The following CA7 variants were observed in gnomAD, a reference collection of about 807,000 sequenced individuals.
The protein encoded by CA7 is carbonic anhydrase 7.
Under a neutral mutation model 31.4 loss-of-function variants are expected in CA7, and 13 were observed. That is an observed-to-expected ratio of 0.41 (90% CI 0.27 to 0.66). The LOEUF (loss-of-function observed/expected upper bound fraction) is 0.66. CA7 is among the 30% of genes least tolerant of loss of function. CA7 has a pLI of 0.28. For missense variants in CA7, 215 were observed against 351.0 expected, an observed-to-expected ratio of 0.61 and a Z score of 3.10; for synonymous variants, 128 against 133.2, an observed-to-expected ratio of 0.96 and a Z score of 0.27.
chr16:66,850,720 G>C, intron 3 of CA7, 61 bp downstream of exon 3: 1 of 1,251,222 alleles, frequency 8.0e-7, no homozygotes, highest in Non-Finnish European at 1.2e-6. Context: ...GGCCTGGGTA[G>C]TCAGGGGCTT....
Position 66,852,237 on chromosome 16 carries a change from C to A in CA7, c.517-475C>A, listed in dbSNP as rs186026826. Among the ~76,000 whole-genome samples, 4 of 152,118 alleles carry A rather than the reference C, an allele frequency of 2.6e-5. No homozygotes were observed. In the South Asian group the frequency reaches 6.2e-4, roughly 24 times the overall value. ...CAGCACTTTGGGAGGCCGAGGCAGG[C>A]GGATCACTTGAGGTCAGGAGTTCAA... On this transcript the variant is annotated intron_variant, in intron 5 of 6. Coordinates refer to ENST00000338437, the MANE Select transcript of CA7 (RefSeq NM_005182.3).
chr16:66,845,002 T>C (rs1156623351), intron 1 of CA7: 21 of 988,580 alleles, frequency 2.1e-5, no homozygotes, highest in Non-Finnish European at 2.4e-5. Context: ...CCGGAGAGAA[T>C]TTCCCCGCAG....
At chr16:66,852,957 G>A (rs958106602) in intron 6 of CA7, 90 bp downstream of exon 6, 14 of 1,184,336 alleles carry the variant, frequency 1.2e-5, no homozygotes, top group Middle Eastern at 2.2e-4. Context: ...CCCACAGCCC[G>A]TGATCCCACC....
chr16:66,845,647 C>T (rs1288141776), intron 1 of CA7, among the ~76,000 whole-genome samples: 2 of 152,136 alleles, frequency 1.3e-5, no homozygotes, highest in Non-Finnish European at 2.9e-5. Flanking sequence ...GAGAGACAGG[C>T]AGACATGGGG....
chr16:66,846,831 G>C (rs937755382), intron 1 of CA7, among the ~76,000 whole-genome samples, 199 bp from the exon 2 acceptor site: 1 of 152,190 alleles, frequency 6.6e-6, no homozygotes, highest in African/African-American at 2.4e-5. Context: ...GAGTTTTAGT[G>C]AGACCATTTC....
chr16:66,844,514 C>T lies in CA7; in HGVS notation c.27C>T (p.Tyr9=), dbSNP rs1293496191. Residue 9 remains tyrosine (Y), a synonymous_variant, in exon 1 of 7, where the codon TAC becomes TAT. Coordinates refer to ENST00000338437, the MANE Select transcript of CA7 (RefSeq NM_005182.3). MTGHHGWG[Y]GQDDGPSHWH... is the part of the protein sequence containing the mutation. ...TGACCGGCCACCACGGCTGGGGCTA[C>T]GGCCAGGACGACGGTAGGCACAGAC... The T allele has an allele frequency of 1.9e-6, 3 of 1,543,434 alleles. No homozygotes were observed. Among genetic ancestry groups the T allele is most frequent in the Admixed American group, 4.0e-5 (2 of 50,568 alleles).
chr16:66,851,421 C>T (rs1412417762), intron 3 of CA7, 42 bp from the exon 4 acceptor site: 1 of 1,530,692 alleles, frequency 6.5e-7, no homozygotes, highest in Non-Finnish European at 9.1e-7. Flanking sequence ...GTTCCCATTG[C>T]CTCTGGGAGG....
In CA7 at chr16:66,852,717, C is replaced by T; in HGVS notation, c.522C>T (p.Thr174=). The change falls in exon 6 of 7, where the codon ACC becomes ACT. Residue 174 remains threonine (T), a synonymous_variant. Coordinates refer to ENST00000338437, the MANE Select transcript of CA7 (RefSeq NM_005182.3). Reference sequence around the variant, plus strand: ...GTTCCTCCACCTTGTTCCAGGGCACCAAAGCCCAGTTCAGCTGCTTCAACC... The same window carrying T: ...GTTCCTCCACCTTGTTCCAGGGCACTAAAGCCCAGTTCAGCTGCTTCAACC... The part of the protein sequence containing the change: ...DALYMVRFKG[T]KAQFSCFNPK... 1.2e-6 allele frequency: 2 copies of T among 1,612,168 alleles called. No homozygotes were observed. Among genetic ancestry groups the T allele is most frequent in the Non-Finnish European group, 1.7e-6 (2 of 1,178,842 alleles).
chr16:66,853,883 ATAAT>A lies in CA7; in HGVS notation c.*388_*391del, dbSNP rs1961118621. On this transcript the variant is annotated 3_prime_UTR_variant, in exon 7 of 7. Coordinates refer to ENST00000338437, the MANE Select transcript of CA7 (RefSeq NM_005182.3). The surrounding 1 kb of genome is among the most constrained non-coding windows in gnomAD (Gnocchi z 4.5). ...TGACACTACCAGAGAGACTCAAGCA[ATAAT>A]TAGAGGTGGGCAGAGCTGCCCTCTC... 2 of 193,258 alleles carry A rather than the reference ATAAT, an allele frequency of 1.0e-5. No homozygotes were observed. Among genetic ancestry groups the A allele is most frequent in the Admixed American group, 5.4e-5 (1 of 18,656 alleles). The allele number at this position is 193,258 out of a possible 1,614,324, so 12.0% of individuals were successfully genotyped here.
In CA7 at chr16:66,846,174, GGTGTGT is replaced by G. The variant is rs4000639; in HGVS notation, c.41-832_41-827del. Among the ~76,000 whole-genome samples the G allele has an allele frequency of 4.0e-3, 589 of 147,454 alleles. 1 individual carries two copies. Among genetic ancestry groups the G allele is most frequent in the African/African-American group, 0.013 (514 of 40,332 alleles). On this transcript the variant is annotated intron_variant, in intron 1 of 6. Coordinates refer to ENST00000338437, the MANE Select transcript of CA7 (RefSeq NM_005182.3). The stretch of plus-strand genomic sequence containing the variant: ...GTGGGCGCCTGTGGGTGTGTATGCA[GGTGTGT>G]GTGTGTGTGTGTGTGTGTGTGTGCA...
chr16:66,844,580 A>T, intron 1 of CA7, 53 bp downstream of exon 1: 1 of 1,441,884 alleles, frequency 6.9e-7, no homozygotes, highest in Non-Finnish European at 9.5e-7. Flanking sequence ...ACCCAACTGC[A>T]CTCGCCCCAA....
chr16:66,847,299 C>A, intron 2 of CA7, 72 bp downstream of exon 2: 3 of 1,380,910 alleles, frequency 2.2e-6, no homozygotes, highest in South Asian at 2.4e-5. Context: ...GTTGGGCAGT[C>A]TCAGGAAGCA....
chr16:66,850,203 G>A (rs1289453106), intron 2 of CA7, among the ~76,000 whole-genome samples: 1 of 151,504 alleles, frequency 6.6e-6, no homozygotes, highest in Non-Finnish European at 1.5e-5. Context: ...ATTTTGGGAG[G>A]CCAAGGCAGG....
In CA7 at chr16:66,848,775, C is replaced by T. The variant is rs536831133; in HGVS notation, c.238+1548C>T. ...AGGTCAAGGGGTGTTACGGAGGGAG[C>T]TCCCTCTCTAGGAGCCCACACTATA... On this transcript the variant is annotated intron_variant, in intron 2 of 6. Transcript: ENST00000338437. Among the ~76,000 whole-genome samples the T allele has an allele frequency of 2.6e-5, 4 of 152,296 alleles. No homozygotes were observed. The South Asian group carries it at 6.2e-4, about 24-fold the overall frequency.
At chr16:66,849,686 G>A (rs572410270) in intron 2 of CA7, among the ~76,000 whole-genome samples, 46 of 152,252 alleles carry the variant, frequency 3.0e-4, no homozygotes, top group African/African-American at 9.6e-4. Context: ...ATGGGAAATC[G>A]GGCAGGAGCG....
chr16:66,852,601 A>G, intron 5 of CA7, 111 bp from the exon 6 acceptor site: 1 of 335,196 alleles, frequency 3.0e-6, no homozygotes, highest in Non-Finnish European at 4.8e-6. Flanking sequence ...AAAAAAGAAA[A>G]GAAAAGAAAA....
In CA7 at chr16:66,853,275, G is replaced by A. The variant is rs1354293676; in HGVS notation, c.673-101G>A. The A allele has an allele frequency of 1.7e-5, 24 of 1,433,314 alleles. No individual in the cohort carries two copies. The Admixed American group carries it at 3.0e-4, about 18-fold the overall frequency. 88.8% of individuals were successfully genotyped at this position (1,433,314 alleles called of 1,614,324 possible). ...AGACCCTAAGGGAAGGAGGAGGGAGGGGTAGAGCTGGCTGGGCAGGTATGC... is the reference window on the plus strand; with the variant it reads ...AGACCCTAAGGGAAGGAGGAGGGAGAGGTAGAGCTGGCTGGGCAGGTATGC... On this transcript the variant is annotated intron_variant, in intron 6 of 6. Coordinates refer to ENST00000338437, the MANE Select transcript of CA7 (RefSeq NM_005182.3). The surrounding 1 kb of genome is among the most constrained non-coding windows in gnomAD (Gnocchi z 4.5).
Position 66,853,961 on chromosome 16 carries a change from G to T in CA7, c.*463G>T. 6.4e-6 allele frequency: 1 copy of T among 157,172 alleles called. No individual in the cohort carries two copies. 9.7% of individuals were successfully genotyped at this position (157,172 alleles called of 1,614,324 possible). A position where few individuals can be genotyped will look rare whatever the true frequency, so the allele number is the denominator to read the frequency against. ...TGCCATGCACGCACCTCACTGCCAGGCCATTAAAATCAGCACCCAGCATGC... is the reference window on the plus strand; with the variant it reads ...TGCCATGCACGCACCTCACTGCCAGTCCATTAAAATCAGCACCCAGCATGC... On this transcript the variant is annotated 3_prime_UTR_variant, in exon 7 of 7. Coordinates refer to ENST00000338437, the MANE Select transcript of CA7 (RefSeq NM_005182.3). This position sits in a 1 kb window ranked among gnomAD's most constrained non-coding sequence, Gnocchi z 4.5.
At chr16:66,847,453 C>T (rs1960953769) in intron 2 of CA7, among the ~76,000 whole-genome samples, 1 of 152,172 alleles carries the variant, frequency 6.6e-6, no homozygotes, top group African/African-American at 2.4e-5. Context: ...CAAGTAAGGT[C>T]GATAGATCTG....
Sources: gnomAD v4.1 joint callset for allele counts (sites outside exome capture counted in the v4.1 genomes callset) on GRCh38, gnomAD v4.1.1 for gene constraint, Gnocchi (gnomAD v3.1) non-coding constraint, MANE v1.5 for transcripts, NCBI Gene and HGNC (gene_info 2026-07-23, HGNC 2026-07-21) for gene names.